MICAL3: variants seen among roughly 807,000 people sequenced by gnomAD.
MICAL3 encodes the protein [F-actin]-monooxygenase MICAL3.
Under a neutral mutation model 207.4 loss-of-function variants are expected in MICAL3, and 62 were observed. That is an observed-to-expected ratio of 0.30 (90% CI 0.24 to 0.37). The LOEUF (loss-of-function observed/expected upper bound fraction) is 0.37. Ranked by LOEUF, MICAL3 falls within the 10% of genes least tolerant of loss-of-function variation. The pLI, the probability that MICAL3 is intolerant of heterozygous loss-of-function variation, is 1.00. For missense variants in MICAL3, 2,368 were observed against 2,635.6 expected (o/e 0.90, Z 2.22); for synonymous variants, 1,077 against 1,069.3 (o/e 1.01, Z -0.14).
chr22:17,830,672 T>C (rs577868332), intron 21 of MICAL3, among the ~76,000 whole-genome samples: 2 of 152,246 alleles, frequency 1.3e-5, no homozygotes, highest in East Asian at 1.9e-4. Flanking sequence ...CAGACCCCAT[T>C]TCTCCTAAGG....
chr22:17,818,682 ACTC>A lies in MICAL3; in HGVS notation c.3976_3978del (p.Glu1326del). The stretch of plus-strand genomic sequence containing the variant: ...CGGATCTCCGCACTCTTCATCCAGA[ACTC>A]CTCCACCAGGTCGCTCCGTCTGAGG... On this transcript the variant is annotated inframe_deletion, in exon 26 of 32. Transcript: ENST00000441493. The A allele has an allele frequency of 6.2e-7, 1 of 1,613,346 alleles. No homozygotes were observed. The highest frequency in any genetic ancestry group is 1.3e-5 in the African/African-American group (1 of 74,876).
chr22:17,961,879 C>T (rs1359353271), intron 1 of MICAL3, among the ~76,000 whole-genome samples: 3 of 152,338 alleles, frequency 2.0e-5, no homozygotes, highest in African/African-American at 7.2e-5. Context: ...ACCTCACCTT[C>T]CAATGGGCAA....
At chr22:17,830,259 C>G (rs777913526) in intron 21 of MICAL3, among the ~76,000 whole-genome samples, 15 of 152,164 alleles carry the variant, frequency 9.9e-5, no homozygotes, top group Non-Finnish European at 1.9e-4. Flanking sequence ...ACTGCCTGCA[C>G]AGGCACCGTC....
At chr22:17,823,882 G>A (rs914429391) in intron 22 of MICAL3, among the ~76,000 whole-genome samples, 8 of 152,206 alleles carry the variant, frequency 5.3e-5, no homozygotes, top group Non-Finnish European at 1.2e-4. Flanking sequence ...GCCAGCTGAG[G>A]GGGTTGTCCA....
In MICAL3 at chr22:17,905,311, G is replaced by A. The variant is rs576410496; in HGVS notation, c.265-472C>T. On this transcript the variant is annotated intron_variant, in intron 2 of 31. Coordinates refer to ENST00000441493, the MANE Select transcript of MICAL3 (RefSeq NM_015241.3). ...TGAGTCTACCACACACATGATTCCC[G>A]GGAAGCAATTTTCAAGAGCCAAAGT... Among the ~76,000 whole-genome samples, 574 of 152,208 alleles carry A rather than the reference G, an allele frequency of 3.8e-3. 6 individuals carry two copies. The highest frequency in any genetic ancestry group is 0.012 in the African/African-American group (516 of 41,516).
chr22:17,833,456 C>T (rs1401166723), intron 20 of MICAL3, among the ~76,000 whole-genome samples: 2 of 152,236 alleles, frequency 1.3e-5, no homozygotes, highest in Non-Finnish European at 2.9e-5. Flanking sequence ...CCCAGGCAGG[C>T]TCTCCCCTAG....
intron 1 of MICAL3, among the ~76,000 whole-genome samples, chr22:17,985,304 G>A (rs1447080469): frequency 1.3e-5 from 2 of 151,598 alleles, no homozygotes; most frequent in African/African-American, 4.9e-5. Context: ...CTGGTGGGCC[G>A]TGCTGCTCTT....
chr22:17,802,822 T>C (rs1160105606), intron 29 of MICAL3, among the ~76,000 whole-genome samples: 1 of 151,728 alleles, frequency 6.6e-6, no homozygotes, highest in Non-Finnish European at 1.5e-5. Context: ...ATGAAGGGGG[T>C]AGACTGCCAG....
At chr22:17,856,645 C>T (rs1925930074) in intron 19 of MICAL3, among the ~76,000 whole-genome samples, 1 of 126,376 alleles carries the variant, frequency 7.9e-6, no homozygotes, top group African/African-American at 3.0e-5. Flanking sequence ...GACGGAGTCT[C>T]GCTCTGTCGC....
intron 16 of MICAL3, among the ~76,000 whole-genome samples, chr22:17,880,910 G>A (rs1253691172): frequency 6.6e-6 from 1 of 152,198 alleles, no homozygotes; most frequent in African/African-American, 2.4e-5. Flanking sequence ...TGCTCTCAGG[G>A]CTCCTGGGCC....
chr22:17,939,786 C>G (rs1220675157), intron 1 of MICAL3, among the ~76,000 whole-genome samples: 1 of 152,196 alleles, frequency 6.6e-6, no homozygotes, highest in Admixed American at 6.5e-5. Flanking sequence ...CTGCCCTCCT[C>G]TACAGCAAAT....
intron 1 of MICAL3, among the ~76,000 whole-genome samples, chr22:17,970,077 G>C (rs5992930): frequency 0.32 from 48,171 of 152,074 alleles, 8,877 homozygotes; most frequent in African/African-American, 0.5. Flanking sequence ...TGCTCCAGCC[G>C]CTCCAGCAGG....
chr22:17,853,100 G>C (rs1028472416), intron 19 of MICAL3, among the ~76,000 whole-genome samples: 1 of 151,476 alleles, frequency 6.6e-6, no homozygotes, highest in African/African-American at 2.4e-5. Flanking sequence ...GGAATATTTA[G>C]CTTAATGTAA....
intron 1 of MICAL3, among the ~76,000 whole-genome samples, chr22:17,931,221 T>A (rs1201365985): frequency 6.6e-6 from 1 of 152,224 alleles, no homozygotes; most frequent in East Asian, 1.9e-4. Context: ...CACACAGATG[T>A]TCACATATAT....
intron 1 of MICAL3, among the ~76,000 whole-genome samples, chr22:17,997,511 A>G (rs1343613518): frequency 6.6e-6 from 1 of 152,226 alleles, no homozygotes; most frequent in Admixed American, 6.5e-5. Flanking sequence ...GTACTGCAAT[A>G]GAACATAAAG....
At chr22:17,831,682 G>A (rs573164743) in intron 21 of MICAL3, among the ~76,000 whole-genome samples, 172 bp downstream of exon 21, 2 of 152,122 alleles carry the variant, frequency 1.3e-5, no homozygotes, top group Admixed American at 6.5e-5. Context: ...CCTGCTCAAC[G>A]CTACGGTGTC....
chr22:17,863,470 C>T lies in MICAL3; in HGVS notation c.2605+1429G>A, dbSNP rs565330283. On this transcript the variant is annotated intron_variant, in intron 19 of 31. Coordinates refer to ENST00000441493, the MANE Select transcript of MICAL3 (RefSeq NM_015241.3). ...GATTCTGCCCATGCTCTGAGAGTGT[C>T]AGCTGCAAAGGCCTGTGGGTACTTC... 92 of 985,410 alleles carry T rather than the reference C, an allele frequency of 9.3e-5. No homozygotes were observed. The African/African-American group carries it at 1.4e-3, about 15-fold the overall frequency. The allele number at this position is 985,410 out of a possible 1,614,324, so 61.0% of individuals were successfully genotyped here. A position where few individuals can be genotyped will look rare whatever the true frequency, so the allele number is the denominator to read the frequency against.
chr22:17,885,072 A>G (rs2146215898), intron 16 of MICAL3, among the ~76,000 whole-genome samples: 1 of 152,334 alleles, frequency 6.6e-6, no homozygotes, highest in East Asian at 1.9e-4. Flanking sequence ...CGCCTCTTGT[A>G]AGAAGTCAGA....
At chr22:17,934,504 C>T (rs1933421536) in intron 1 of MICAL3, among the ~76,000 whole-genome samples, 1 of 152,160 alleles carries the variant, frequency 6.6e-6, no homozygotes, top group African/African-American at 2.4e-5. Context: ...CAATATCATA[C>T]TGAATGGGCA....
Sources: gnomAD v4.1 joint callset for allele counts (sites outside exome capture counted in the v4.1 genomes callset) on GRCh38, gnomAD v4.1.1 for gene constraint, MANE v1.5 for transcripts, NCBI Gene and HGNC (gene_info 2026-07-23, HGNC 2026-07-21) for gene names.